FKBP1A: variants seen among roughly 807,000 people sequenced by gnomAD.
FKBP1A encodes peptidyl-prolyl cis-trans isomerase FKBP1A.
FKBP1A carries 5 observed loss-of-function variants against 14.2 expected under a neutral mutation model. That is an observed-to-expected ratio of 0.35 (90% confidence interval 0.18 to 0.74). The LOEUF (loss-of-function observed/expected upper bound fraction) is 0.74. FKBP1A is among the 30% of genes least tolerant of loss of function. The probability of loss-of-function intolerance (pLI) is 0.56; values close to 1 mark genes in which losing one functional copy is unlikely to be tolerated. For missense variants in FKBP1A, 53 were observed against 138.8 expected, an observed-to-expected ratio of 0.38 and a Z score of 3.10; for synonymous variants, 42 against 49.1, an observed-to-expected ratio of 0.86 and a Z score of 0.60.
At chr20:1,375,256 T>C in intron 3 of FKBP1A, 1 of 580,436 alleles carries the variant, frequency 1.7e-6, no homozygotes, top group Non-Finnish European at 3.0e-6. Context: ...AAAAGTAAAC[T>C]GCAAAACAGT....
In FKBP1A at chr20:1,369,724, C is replaced by G. The variant is rs2046028959; in HGVS notation, c.*385G>C. 1 of 108,652 alleles carries G rather than the reference C, an allele frequency of 9.2e-6. No individual in the cohort carries two copies. The allele number at this position is 108,652 out of a possible 1,614,324, so 6.7% of individuals were successfully genotyped here. ...ATTAAAATAAAATATTCTTGCAAAC[C>G]CCCCCCCCAACACCAATTCCTATTC... On this transcript the variant is annotated 3_prime_UTR_variant, in exon 5 of 5. Coordinates refer to ENST00000400137, the MANE Select transcript of FKBP1A (RefSeq NM_000801.5).
At chr20:1,380,426 A>T (rs1323293079) in intron 2 of FKBP1A, among the ~76,000 whole-genome samples, 1 of 152,184 alleles carries the variant, frequency 6.6e-6, no homozygotes, top group East Asian at 1.9e-4. Flanking sequence ...GCTTAGAGGA[A>T]CAGTATCCAG....
chr20:1,371,313 CAG>C (rs1269668684), intron 4 of FKBP1A, among the ~76,000 whole-genome samples: 4 of 152,202 alleles, frequency 2.6e-5, no homozygotes, highest in Admixed American at 1.3e-4. Flanking sequence ...AATCAACAAA[CAG>C]GGGCTCTGGT....
In FKBP1A at chr20:1,372,159, G is replaced by C. The variant is rs761528866; in HGVS notation, c.280C>G (p.Pro94Ala). Residue 94 changes from proline to alanine, a missense_variant, in exon 4 of 5, where the codon CCA becomes GCA. Physicochemically the swap from Pro to Ala is conservative, Grantham distance 27. Around this residue, in one of 2 missense-constraint regions of FKBP1A, gnomAD observed 35 missense variants for 118.1 expected, o/e 0.30. Coordinates refer to ENST00000400137, the MANE Select transcript of FKBP1A (RefSeq NM_000801.5). ...ACATCGAAGACGAGAGTGGCATGTG[G>C]TGGGATGATGCCTGGGTGCCCAGTG... ...GATGHPGIIP[P>A]HATLVFDVEL... The C allele has an allele frequency of 2.6e-5, 42 of 1,613,662 alleles. No individual in the cohort carries two copies. In the South Asian group the frequency reaches 4.4e-4, roughly 17 times the overall value.
intron 3 of FKBP1A, 98 bp downstream of exon 3, chr20:1,375,393 T>C (rs1195863231): frequency 4.8e-6 from 4 of 831,996 alleles, no homozygotes; most frequent in African/African-American, 3.5e-5. Flanking sequence ...GTGAGACTTT[T>C]CACTTTTTTT....
chr20:1,383,223 T>A (rs1431136714), intron 2 of FKBP1A, among the ~76,000 whole-genome samples: 3 of 152,284 alleles, frequency 2.0e-5, no homozygotes, highest in South Asian at 4.1e-4. Flanking sequence ...TACAGACTTA[T>A]GGCTTCACTA....
At chr20:1,371,949 C>A in intron 4 of FKBP1A, 127 bp downstream of exon 4, 1 of 1,451,604 alleles carries the variant, frequency 6.9e-7, no homozygotes, top group Non-Finnish European at 9.1e-7. Flanking sequence ...ATACTCAATA[C>A]AGAAAGAATG....
chr20:1,384,198 T>C (rs780702473), intron 2 of FKBP1A, among the ~76,000 whole-genome samples: 4 of 152,196 alleles, frequency 2.6e-5, no homozygotes, highest in Non-Finnish European at 5.9e-5. Context: ...AATCCATTTA[T>C]GGTAGCTATA....
chr20:1,370,683 T>TG, intron 4 of FKBP1A: 1 of 985,452 alleles, frequency 1.0e-6, no homozygotes, highest in Middle Eastern at 5.2e-4. Flanking sequence ...TCTTTGGCAG[T>TG]GGGTTGGGAG....
intron 2 of FKBP1A, among the ~76,000 whole-genome samples, chr20:1,388,174 T>G (rs2089689228): frequency 6.6e-6 from 1 of 152,242 alleles, no homozygotes; most frequent in Admixed American, 6.5e-5. Context: ...CACACTAAAA[T>G]GTTTAAACGG....
chr20:1,375,752 G>A, intron 2 of FKBP1A, 149 bp from the exon 3 acceptor site: 1 of 658,904 alleles, frequency 1.5e-6, no homozygotes, highest in Non-Finnish European at 2.8e-6. Flanking sequence ...GACCTCACTG[G>A]ACATCTAAGG....
chr20:1,380,295 G>C (rs1290640948), intron 2 of FKBP1A, among the ~76,000 whole-genome samples: 3 of 152,232 alleles, frequency 2.0e-5, no homozygotes, highest in South Asian at 4.1e-4. Flanking sequence ...GTACCAGCAG[G>C]AGAGAGCTAT....
rs1220741699 is a variant in FKBP1A at position 1,386,771 on chromosome 20, G to T, written c.85+6063C>A. 6.6e-6 allele frequency among the ~76,000 whole-genome samples: 1 copy of T among 152,182 alleles called. No individual in the cohort carries two copies. The highest frequency in any genetic ancestry group is 1.5e-5 in the Non-Finnish European group (1 of 68,040). ...AGCTCCTGGGAGAGGAAGAGCAAAT[G>T]TAACAGAAAGAGACAGTAGCATCTA... On this transcript the variant is annotated intron_variant, in intron 2 of 4. Transcript: ENST00000400137. The surrounding 1 kb of genome is among the most constrained non-coding windows in gnomAD (Gnocchi z 4.7).
intron 4 of FKBP1A, chr20:1,371,117 C>T: frequency 2.0e-6 from 2 of 985,452 alleles, no homozygotes; most frequent in Non-Finnish European, 2.4e-6. Flanking sequence ...AAAGTGTCCT[C>T]ACCCAGGCCT....
intron 2 of FKBP1A, chr20:1,391,575 AG>A: frequency 2.5e-6 from 1 of 397,736 alleles, no homozygotes; most frequent in Admixed American, 4.4e-5. Context: ...CAGAAATAAA[AG>A]GGCATGGGAG....
intron 2 of FKBP1A, among the ~76,000 whole-genome samples, chr20:1,388,935 C>T (rs192394659): frequency 1.1e-3 from 169 of 152,296 alleles, no homozygotes; most frequent in African/African-American, 3.8e-3. Flanking sequence ...TCTAATGCAC[C>T]GAGCAGGCTC....
At chr20:1,370,817 C>A in intron 4 of FKBP1A, 1 of 985,312 alleles carries the variant, frequency 1.0e-6, no homozygotes. Flanking sequence ...CAGTTATGTT[C>A]AAAAAATGAC....
chr20:1,370,003 A>G lies in FKBP1A; in HGVS notation c.*106T>C. On this transcript the variant is annotated 3_prime_UTR_variant, in exon 5 of 5. Coordinates refer to ENST00000400137, the MANE Select transcript of FKBP1A (RefSeq NM_000801.5). ...CAGATGTCTATACAAAGTGGAGTGG[A>G]ACATCAGGAAAAGCTCCATATGGAT... 6.5e-7 allele frequency: 1 copy of G among 1,549,354 alleles called. No homozygotes were observed.
chr20:1,382,927 G>C (rs1163148658), intron 2 of FKBP1A, among the ~76,000 whole-genome samples: 1 of 152,174 alleles, frequency 6.6e-6, no homozygotes, highest in Non-Finnish European at 1.5e-5. Context: ...CTACTCCACA[G>C]CAGCCTGCTC....
Sources: allele counts gnomAD v4.1 joint callset (sites outside exome capture counted in the v4.1 genomes callset), GRCh38; gene constraint gnomAD v4.1.1; regional missense constraint gnomAD v4.1.1; non-coding constraint Gnocchi (gnomAD v3.1); transcripts MANE v1.5; gene names NCBI Gene and HGNC (gene_info 2026-07-23, HGNC 2026-07-21).